NXPE1: variants seen among roughly 807,000 people sequenced by gnomAD.
The protein encoded by NXPE1 is NXPE family member 1.
NXPE1 carries 31 observed loss-of-function variants against 33.3 expected under a neutral mutation model. The ratio of observed to expected loss-of-function variants is 0.93; its 90% CI spans 0.70 to 1.26. NXPE1 has a LOEUF of 1.26. Ranked by LOEUF, NXPE1 falls within the 50% of genes most tolerant of loss-of-function variation. NXPE1 has a pLI of 0.00. For missense variants in NXPE1, 661 were observed against 655.6 expected, an observed-to-expected ratio of 1.01 and a Z score of -0.09; for synonymous variants, 229 against 231.4, an observed-to-expected ratio of 0.99 and a Z score of 0.09.
chr11:114,536,392 C>T (rs1172819350), intron 5 of NXPE1, among the ~76,000 whole-genome samples: 2 of 152,098 alleles, frequency 1.3e-5, no homozygotes, highest in African/African-American at 4.8e-5. Context: ...CAAGAGCAAA[C>T]ATATTCAAAA....
intron 5 of NXPE1, among the ~76,000 whole-genome samples, chr11:114,539,472 A>G (rs954843277): frequency 7.9e-5 from 12 of 152,200 alleles, no homozygotes; most frequent in African/African-American, 2.9e-4. Context: ...CTCTGTCCTT[A>G]ATGGAGGTAT....
intron 5 of NXPE1, among the ~76,000 whole-genome samples, chr11:114,542,900 TACTG>T (rs1002781859): frequency 5.3e-5 from 8 of 152,212 alleles, no homozygotes; most frequent in African/African-American, 1.9e-4. Flanking sequence ...CAATATGTCA[TACTG>T]ACACCAAACA....
chr11:114,548,117 G>A (rs772702138), intron 5 of NXPE1, among the ~76,000 whole-genome samples: 4 of 152,038 alleles, frequency 2.6e-5, no homozygotes, highest in Non-Finnish European at 5.9e-5. Flanking sequence ...TACCATATAT[G>A]CAAAAGGATA....
At chr11:114,555,646 T>C (rs1591311095) in intron 1 of NXPE1, among the ~76,000 whole-genome samples, 3 of 152,322 alleles carry the variant, frequency 2.0e-5, no homozygotes, top group Admixed American at 2.0e-4. Flanking sequence ...TCCTTGTCAA[T>C]TTTGTCCTCC....
chr11:114,530,795 G>C (rs1327741261), exon 6 of NXPE1: 17 of 1,614,072 alleles, frequency 1.1e-5, no homozygotes, highest in Non-Finnish European at 1.3e-5. Context: ...CCTTTATTCT[G>C]AGTTCAGTCT....
At chr11:114,529,014 TG>T (rs977351008) in intron 6 of NXPE1, 5 of 411,134 alleles carry the variant, frequency 1.2e-5, no homozygotes, top group African/African-American at 1.0e-4. Flanking sequence ...AGCCAAAACT[TG>T]GATAATGAGG....
downstream of NXPE1, among the ~76,000 whole-genome samples, chr11:114,519,808 T>C (rs1218598815): frequency 6.6e-6 from 1 of 152,130 alleles, no homozygotes; most frequent in Non-Finnish European, 1.5e-5. Context: ...GTATACAGTG[T>C]GATGTTTTGA....
At chr11:114,545,759 G>T (rs551960420) in intron 5 of NXPE1, among the ~76,000 whole-genome samples, 1 of 151,018 alleles carries the variant, frequency 6.6e-6, no homozygotes, top group South Asian at 2.1e-4. Context: ...CGTGAACTCA[G>T]CTCACTGTAA....
chr11:114,535,507 G>C (rs187285146), intron 5 of NXPE1, among the ~76,000 whole-genome samples: 1 of 152,222 alleles, frequency 6.6e-6, no homozygotes, highest in East Asian at 1.9e-4. Context: ...AAAGAGTCAA[G>C]ACCCATCAGT....
chr11:114,530,643 A>G (rs775218707), exon 6 of NXPE1: 1 of 1,614,122 alleles, frequency 6.2e-7, no homozygotes. Flanking sequence ...CCTCACCTCC[A>G]GTAGGATGTC....
At chr11:114,531,557 A>G (rs1429922897) in intron 5 of NXPE1, among the ~76,000 whole-genome samples, 2 of 152,114 alleles carry the variant, frequency 1.3e-5, no homozygotes, top group African/African-American at 4.8e-5. Flanking sequence ...ACCCCCTTCA[A>G]TGGCTTCTTG....
chr11:114,547,048 C>T (rs1948306226), intron 5 of NXPE1, among the ~76,000 whole-genome samples: 1 of 152,056 alleles, frequency 6.6e-6, no homozygotes, highest in Non-Finnish European at 1.5e-5. Context: ...CAGATTCTCC[C>T]CACTCAAGGA....
chr11:114,536,798 C>A (rs1947844966), intron 5 of NXPE1, among the ~76,000 whole-genome samples: 1 of 152,058 alleles, frequency 6.6e-6, no homozygotes, highest in Non-Finnish European at 1.5e-5. Context: ...TAATAGCTTA[C>A]CAACCAAAAA....
At chr11:114,530,308 G>C in exon 6 of NXPE1, 1 of 1,614,206 alleles carries the variant, frequency 6.2e-7, no homozygotes, top group Non-Finnish European at 8.5e-7. Context: ...CTGTCATCCA[G>C]ATATTCACAG....
intron 7 of NXPE1, 143 bp downstream of exon 7, chr11:114,527,697 T>A (rs1947416935): frequency 1.8e-6 from 1 of 544,386 alleles, no homozygotes; most frequent in Admixed American, 3.6e-5. Context: ...TTCCTTGAGT[T>A]CATTTCTCCC....
rs550983549 is a variant in NXPE1 at position 114,522,816 on chromosome 11, AC to A, written c.1108+62del. ...AAATAGCTCAAACGAGAGAATAGAGACCTCATTAAAAGTACTTTAAAACCAG... is the reference window on the plus strand; with the variant it reads ...AAATAGCTCAAACGAGAGAATAGAGACTCATTAAAAGTACTTTAAAACCAG... On this transcript the variant is annotated intron_variant, in intron 8 of 8. Coordinates refer to ENST00000534921, the Ensembl canonical transcript of NXPE1. The A allele has an allele frequency of 7.2e-5, 83 of 1,152,778 alleles. 2 individuals carry two copies. In the Middle Eastern group the frequency reaches 1.4e-3, roughly 20 times the overall value. 71.4% of individuals were successfully genotyped at this position (1,152,778 alleles called of 1,614,324 possible). A position where few individuals can be genotyped will look rare whatever the true frequency, so the allele number is the denominator to read the frequency against.
At chr11:114,538,498 C>T (rs1431146988) in intron 5 of NXPE1, among the ~76,000 whole-genome samples, 1 of 152,070 alleles carries the variant, frequency 6.6e-6, no homozygotes, top group Non-Finnish European at 1.5e-5. Flanking sequence ...AGGCAACCTA[C>T]AAAATGGGAG....
intron 5 of NXPE1, among the ~76,000 whole-genome samples, chr11:114,539,228 A>T (rs2135034443): frequency 6.6e-6 from 1 of 150,550 alleles, no homozygotes; most frequent in Admixed American, 6.6e-5. Flanking sequence ...GTGGGAATTG[A>T]ACAATGAGAA....
At chr11:114,534,695 A>C (rs1947729582) in intron 5 of NXPE1, among the ~76,000 whole-genome samples, 1 of 152,232 alleles carries the variant, frequency 6.6e-6, no homozygotes, top group African/African-American at 2.4e-5. Flanking sequence ...GTGATGGAAG[A>C]CGAAATGAAT....
Sources: allele counts gnomAD v4.1 joint callset (sites outside exome capture counted in the v4.1 genomes callset), GRCh38; gene constraint gnomAD v4.1.1; transcripts MANE v1.5; gene names NCBI Gene and HGNC (gene_info 2026-07-23, HGNC 2026-07-21).